FAM135B: variants seen among roughly 807,000 people sequenced by gnomAD.
The protein encoded by FAM135B is family with sequence similarity 135 member B.
A neutral mutation model predicts 127.7 loss-of-function variants in FAM135B; 43 were observed. The observed-to-expected ratio is 0.34, with a 90% CI of 0.26 to 0.43. The LOEUF (loss-of-function observed/expected upper bound fraction) is 0.43. Among genes scored for constraint, FAM135B ranks in the 20% least tolerant of loss-of-function variants. FAM135B has a pLI of 1.00. For missense variants in FAM135B, 1,558 were observed against 1,725.6 expected (o/e 0.90, Z 1.72); for synonymous variants, 670 against 665.1 (o/e 1.01, Z -0.11).
intron 1 of FAM135B, among the ~76,000 whole-genome samples, chr8:138,398,483 C>T (rs576337592): frequency 5.9e-5 from 9 of 152,308 alleles, no homozygotes; most frequent in African/African-American, 1.4e-4. Flanking sequence ...ACACAGTGCA[C>T]GGAAGAGTGA....
intron 19 of FAM135B, among the ~76,000 whole-genome samples, chr8:138,134,406 C>T (rs1240027499): frequency 6.6e-6 from 1 of 152,096 alleles, no homozygotes; most frequent in South Asian, 2.1e-4. Flanking sequence ...AAAAGTCACT[C>T]AAAATGTAGT....
At chr8:138,371,490 G>A (rs1371994210) in intron 1 of FAM135B, among the ~76,000 whole-genome samples, 1 of 152,112 alleles carries the variant, frequency 6.6e-6, no homozygotes, top group African/African-American at 2.4e-5. Context: ...TCCGTTCTCT[G>A]CCTCTGTAGG....
intron 2 of FAM135B, among the ~76,000 whole-genome samples, chr8:138,330,392 C>T (rs999428933): frequency 1.1e-4 from 16 of 152,128 alleles, no homozygotes; most frequent in African/African-American, 3.9e-4. Flanking sequence ...AGTCCAGACA[C>T]CTCTGAATCC....
chr8:138,411,637 G>A (rs1482696556), intron 1 of FAM135B, among the ~76,000 whole-genome samples: 1 of 152,062 alleles, frequency 6.6e-6, no homozygotes, highest in Non-Finnish European at 1.5e-5. Context: ...TTGACAAATG[G>A]GATCTAATTA....
chr8:138,189,094 G>A (rs555353093), intron 9 of FAM135B, among the ~76,000 whole-genome samples: 1 of 152,232 alleles, frequency 6.6e-6, no homozygotes, highest in South Asian at 2.1e-4. Flanking sequence ...AAAACCAACA[G>A]GCTATACCAA....
intron 2 of FAM135B, among the ~76,000 whole-genome samples, chr8:138,318,359 A>G (rs1488314706): frequency 1.3e-5 from 2 of 152,242 alleles, no homozygotes; most frequent in Non-Finnish European, 2.9e-5. Flanking sequence ...ACAATGAGTC[A>G]GTCATTGCCA....
intron 7 of FAM135B, among the ~76,000 whole-genome samples, chr8:138,218,196 T>C (rs1415217858): frequency 6.6e-6 from 1 of 152,204 alleles, no homozygotes; most frequent in Non-Finnish European, 1.5e-5. Context: ...AAAAAATGTC[T>C]GTGCATATGA....
chr8:138,367,456 T>C (rs1266355379), intron 2 of FAM135B: 2 of 456,976 alleles, frequency 4.4e-6, no homozygotes, highest in African/African-American at 2.0e-5. Context: ...GAATTGATGT[T>C]TGCAAATACC....
intron 1 of FAM135B, among the ~76,000 whole-genome samples, chr8:138,430,256 C>G (rs1835120726): frequency 6.6e-6 from 1 of 152,142 alleles, no homozygotes; most frequent in Non-Finnish European, 1.5e-5. Context: ...ATAGTCACTA[C>G]TGATCACCTG....
chr8:138,145,682 T>C (rs375331617), intron 15 of FAM135B, among the ~76,000 whole-genome samples: 9 of 152,286 alleles, frequency 5.9e-5, no homozygotes, highest in Admixed American at 3.9e-4. Context: ...GGAGTCATTA[T>C]CCAAATAATT....
chr8:138,217,276 T>A (rs1818619092), intron 7 of FAM135B, among the ~76,000 whole-genome samples: 1 of 152,194 alleles, frequency 6.6e-6, no homozygotes, highest in Admixed American at 6.6e-5. Flanking sequence ...GATAGTCATA[T>A]CTAGACAACA....
intron 4 of FAM135B, among the ~76,000 whole-genome samples, chr8:138,261,360 T>C (rs1822526025): frequency 6.6e-6 from 1 of 152,206 alleles, no homozygotes; most frequent in Non-Finnish European, 1.5e-5. Context: ...CTTTTCCTCT[T>C]CTTCCTCAGA....
At chr8:138,293,555 G>T (rs983360809) in intron 3 of FAM135B, among the ~76,000 whole-genome samples, 1 of 151,524 alleles carries the variant, frequency 6.6e-6, no homozygotes, top group Non-Finnish European at 1.5e-5. Context: ...AAATTAGTGA[G>T]AAAAAAAATC....
intron 1 of FAM135B, among the ~76,000 whole-genome samples, chr8:138,392,956 T>A (rs1429265583): frequency 2.6e-5 from 4 of 152,128 alleles, no homozygotes; most frequent in Non-Finnish European, 5.9e-5. Flanking sequence ...GACTGGGCAA[T>A]TTACAAAAGA....
chr8:138,158,535 C>T (rs1819011378), intron 12 of FAM135B, among the ~76,000 whole-genome samples: 1 of 152,180 alleles, frequency 6.6e-6, no homozygotes. Flanking sequence ...TTTTTATAAT[C>T]TACCCTTCTG....
intron 1 of FAM135B, among the ~76,000 whole-genome samples, chr8:138,424,711 ACTCTTGT>A (rs911921872): frequency 2.0e-5 from 3 of 151,950 alleles, no homozygotes; most frequent in Non-Finnish European, 4.4e-5. Context: ...TTACCCCAAA[ACTCTTGT>A]CCATTCCACT....
chr8:138,348,456 G>A (rs1214140065), intron 2 of FAM135B, among the ~76,000 whole-genome samples: 3 of 151,922 alleles, frequency 2.0e-5, no homozygotes, highest in Admixed American at 6.6e-5. Context: ...TTTATACATC[G>A]GTTTGCTTTA....
At chr8:138,326,530 C>G (rs1451606792) in intron 2 of FAM135B, among the ~76,000 whole-genome samples, 1 of 152,082 alleles carries the variant, frequency 6.6e-6, no homozygotes, top group African/African-American at 2.4e-5. Context: ...CAATATCACA[C>G]TGTGACAGGA....
intron 1 of FAM135B, among the ~76,000 whole-genome samples, chr8:138,413,112 C>A (rs1214324204): frequency 6.6e-6 from 1 of 152,106 alleles, no homozygotes; most frequent in Non-Finnish European, 1.5e-5. Flanking sequence ...GTTCTTATAG[C>A]CTCTTTCTTA....
Sources: gnomAD v4.1 joint callset for allele counts (sites outside exome capture counted in the v4.1 genomes callset) on GRCh38, gnomAD v4.1.1 for gene constraint, MANE v1.5 for transcripts, NCBI Gene and HGNC (gene_info 2026-07-23, HGNC 2026-07-21) for gene names.